The following DNAH7 variants were observed in gnomAD, a reference collection of about 807,000 sequenced individuals.
DNAH7 encodes the protein dynein axonemal heavy chain 7.
Under a neutral mutation model 444.6 loss-of-function variants are expected in DNAH7, and 397 were observed. That is an observed-to-expected ratio of 0.89 (90% CI 0.82 to 0.97). DNAH7 has a LOEUF of 0.97. Ranked by LOEUF, DNAH7 falls within the 50% of genes least tolerant of loss-of-function variation. The pLI is 0.00. For missense variants in DNAH7, 4,902 were observed against 4,800.8 expected (o/e 1.02, Z -0.62); for synonymous variants, 1,636 against 1,624.4 (o/e 1.01, Z -0.17).
chr2:196,012,760 T>C, intron 10 of DNAH7, 27 bp downstream of exon 10: 1 of 1,596,738 alleles, frequency 6.3e-7, no homozygotes, highest in Non-Finnish European at 8.5e-7. Flanking sequence ...AACTTATGCT[T>C]TCCTACATGA....
chr2:195,820,463 TAA>T (rs74404564), intron 49 of DNAH7, among the ~76,000 whole-genome samples: 5 of 136,808 alleles, frequency 3.7e-5, no homozygotes, highest in Admixed American at 7.3e-5. Flanking sequence ...AAAGTAAAAT[TAA>T]AAAAAAAAAA....
Position 195,738,041 on chromosome 2 carries a change from T to G in DNAH7, c.11955A>C (p.Gly3985=). The part of the protein sequence containing the change: ...APLYKTSERR[G]VLSTTGHSTN... The stretch of plus-strand genomic sequence containing the variant: ...TGGAATGGCCAGTGGTGGATAATAC[T>G]CCTCTCCGCTCACTTGTCTTATACA... Residue 3985 remains glycine, a synonymous_variant, in exon 65 of 65, where the codon GGA becomes GGC. Transcript: ENST00000312428. The G allele has an allele frequency of 6.2e-7, 1 of 1,614,006 alleles. No homozygotes were observed.
At chr2:195,748,600 A>G (rs868505663) in intron 63 of DNAH7, among the ~76,000 whole-genome samples, 13 of 152,366 alleles carry the variant, frequency 8.5e-5, no homozygotes, top group African/African-American at 3.1e-4. Context: ...ACAAGGCTAC[A>G]GTAACCGAAA....
intron 55 of DNAH7, among the ~76,000 whole-genome samples, chr2:195,797,698 T>C (rs1328333902): frequency 1.3e-5 from 2 of 152,210 alleles, no homozygotes; most frequent in East Asian, 1.9e-4. Flanking sequence ...GGGGCCTCCT[T>C]CTATTCTGCA....
chr2:195,952,017 T>G (rs1690292994), intron 19 of DNAH7, among the ~76,000 whole-genome samples: 1 of 152,230 alleles, frequency 6.6e-6, no homozygotes, highest in South Asian at 2.1e-4. Flanking sequence ...TGCAGTTTCT[T>G]CATAGTGTCA....
chr2:195,857,759 G>T, intron 43 of DNAH7, 36 bp from the exon 44 acceptor site: 1 of 1,504,978 alleles, frequency 6.6e-7, no homozygotes. Context: ...TAAAAGACAT[G>T]TTTGTTTATA....
rs1305880401 is a variant in DNAH7 at position 195,906,658 on chromosome 2, C to T, written c.4335+1G>A. The T allele has an allele frequency of 6.2e-7, 1 of 1,611,004 alleles. No individual in the cohort carries two copies. Among genetic ancestry groups the T allele is most frequent in the East Asian group, 2.2e-5 (1 of 44,834 alleles). On this transcript the variant is annotated splice_donor_variant, in intron 27 of 64. Transcript: ENST00000312428. LOFTEE classifies it high-confidence loss of function. ...AGATTATATAATAACTCCTTCCATA[C>T]CTTCAGGTTATCTGGCAGTTCTGAT...
intron 25 of DNAH7, among the ~76,000 whole-genome samples, chr2:195,907,963 T>C (rs994109471): frequency 6.6e-6 from 1 of 152,112 alleles, no homozygotes; most frequent in African/African-American, 2.4e-5. Context: ...ATATACATTT[T>C]GAGATTCTTG....
In DNAH7 at chr2:195,828,617, T is replaced by A. The variant is rs796941778; in HGVS notation, c.9101-4172A>T. Among the ~76,000 whole-genome samples the A allele has an allele frequency of 2.5e-3, 363 of 148,104 alleles. 1 individual carries two copies. The highest frequency in any genetic ancestry group is 5.8e-3 in the African/African-American group (235 of 40,808). The stretch of plus-strand genomic sequence containing the variant: ...ACATATATATATATATATATTTTTT[T>A]TTTTTTTTTCTATTGCATATTTGCT... On this transcript the variant is annotated intron_variant, in intron 48 of 64. Coordinates refer to ENST00000312428, the MANE Select transcript of DNAH7 (RefSeq NM_018897.3).
chr2:195,778,391 A>C (rs1388492199), intron 58 of DNAH7, among the ~76,000 whole-genome samples: 1 of 151,020 alleles, frequency 6.6e-6, no homozygotes, highest in African/African-American at 2.4e-5. Context: ...TAATCCCAGC[A>C]CTTTGAGAGG....
chr2:195,864,943 T>G lies in DNAH7; in HGVS notation c.6712A>C (p.Arg2238=). ...WLINYIQEIL[R]NYMYEDFHEL... ...TGAAAATCTTCATACATGTAGTTTC[T>G]CAAAATTTCTTGAATGTAGTTGATG... Residue 2238 remains arginine (R), a synonymous_variant, in exon 41 of 65, where the codon AGA becomes CGA. Transcript: ENST00000312428. 7 of 1,610,580 alleles carry G rather than the reference T, an allele frequency of 4.3e-6. No homozygotes were observed. Among genetic ancestry groups the G allele is most frequent in the Non-Finnish European group, 5.9e-6 (7 of 1,179,974 alleles).
intron 19 of DNAH7, among the ~76,000 whole-genome samples, chr2:195,950,524 G>A (rs1432842241): frequency 6.6e-6 from 1 of 151,684 alleles, no homozygotes; most frequent in Non-Finnish European, 1.5e-5. Context: ...AGTCTGGCTA[G>A]CAGTCTATCT....
chr2:195,802,397 A>G (rs1016991709), intron 54 of DNAH7, among the ~76,000 whole-genome samples: 2 of 152,022 alleles, frequency 1.3e-5, no homozygotes, highest in African/African-American at 4.8e-5. Context: ...CTACTCGAGA[A>G]GCTGAGGCAC....
At chr2:195,808,975 T>C (rs1048235562) in intron 52 of DNAH7, 99 bp from the exon 53 acceptor site, 1 of 1,013,668 alleles carries the variant, frequency 9.9e-7, no homozygotes, top group African/African-American at 1.6e-5. Context: ...ACTTCCAAGT[T>C]TCAGATGTGG....
chr2:195,952,878 T>C (rs1690361891), intron 19 of DNAH7, among the ~76,000 whole-genome samples: 2 of 152,212 alleles, frequency 1.3e-5, no homozygotes, highest in Non-Finnish European at 2.9e-5. Flanking sequence ...GGTTAGAACA[T>C]GCTCCTTTAG....
rs1701406314 is a variant in DNAH7, at chr2:195,881,919, T to C, written c.5837A>G (p.Asn1946Ser). Residue 1946 changes from asparagine (N) to serine (S), a missense_variant, in exon 36 of 65, where the codon AAT (asparagine) becomes AGT (serine). Transcript: ENST00000312428. ...APPIPKDVMF[N>S]EIIVPTLDTI... is the part of the protein sequence containing the mutation. ...GTCCAGAGTTGGCACAATGATTTCATTAAACATTACATCTTTAGGAATTGG... is the reference window on the plus strand; with the variant it reads ...GTCCAGAGTTGGCACAATGATTTCACTAAACATTACATCTTTAGGAATTGG... The C allele has an allele frequency of 6.2e-7, 1 of 1,613,916 alleles. No individual in the cohort carries two copies. The highest frequency in any genetic ancestry group is 8.5e-7 in the Non-Finnish European group (1 of 1,179,930).
At chr2:196,033,769 T>C (rs898380456) in intron 5 of DNAH7, among the ~76,000 whole-genome samples, 2 of 152,216 alleles carry the variant, frequency 1.3e-5, no homozygotes, top group Non-Finnish European at 2.9e-5. Context: ...CAGATGTCTC[T>C]TGAACATACT....
At position 195,972,974 on chromosome 2, in the gene DNAH7, C is replaced by T. The variant is rs567251109; in HGVS notation, c.1834-508G>A. Among the ~76,000 whole-genome samples the T allele has an allele frequency of 8.5e-5, 13 of 152,294 alleles. No individual in the cohort carries two copies. The South Asian group carries it at 2.1e-3, about 24-fold the overall frequency. On this transcript the variant is annotated intron_variant, in intron 15 of 64. Coordinates refer to ENST00000312428, the MANE Select transcript of DNAH7 (RefSeq NM_018897.3). ...ACAACTGCTACACAGGCACACTGCTCGGAGCATATCATAAGGATGTGAAGT... is the reference window on the plus strand; with the variant it reads ...ACAACTGCTACACAGGCACACTGCTTGGAGCATATCATAAGGATGTGAAGT...
chr2:195,986,669 G>C (rs1270386869), intron 14 of DNAH7, among the ~76,000 whole-genome samples: 1 of 152,156 alleles, frequency 6.6e-6, no homozygotes, highest in Non-Finnish European at 1.5e-5. Context: ...GCCCTCAAGA[G>C]TAATTTTAGG....
Sources: gnomAD v4.1 joint callset for allele counts (sites outside exome capture counted in the v4.1 genomes callset) on GRCh38, gnomAD v4.1.1 for gene constraint, MANE v1.5 for transcripts, NCBI Gene and HGNC (gene_info 2026-07-23, HGNC 2026-07-21) for gene names.